GPC5: variants seen among roughly 807,000 people sequenced by gnomAD.
The protein encoded by GPC5 is glypican 5, also known as glypican-5.
Under a neutral mutation model 53.9 loss-of-function variants are expected in GPC5, and 47 were observed. The observed-to-expected ratio is 0.87, with a 90% CI of 0.69 to 1.11. The LOEUF (loss-of-function observed/expected upper bound fraction) is 1.11. Ranked by LOEUF, GPC5 falls within the 50% of genes most tolerant of loss-of-function variation. GPC5 has a pLI of 0.00. For synonymous variants in GPC5, 286 were observed against 263.3 expected (o/e 1.09, Z -0.84); for missense variants, 748 against 713.1 (o/e 1.05, Z -0.56).
At chr13:92,155,223 TGTTA>T (rs945788598) in intron 7 of GPC5, among the ~76,000 whole-genome samples, 71 of 152,290 alleles carry the variant, frequency 4.7e-4, no homozygotes, top group African/African-American at 1.5e-3. Context: ...AATACAAAAA[TGTTA>T]GTTAGCTCAC....
intron 5 of GPC5, among the ~76,000 whole-genome samples, chr13:91,791,104 A>G (rs2037956970): frequency 6.6e-6 from 1 of 152,242 alleles, no homozygotes; most frequent in Non-Finnish European, 1.5e-5. Flanking sequence ...TAAAATTAAA[A>G]GCCGTGAGAC....
chr13:91,791,168 A>T (rs1049245089), intron 5 of GPC5, among the ~76,000 whole-genome samples: 1 of 152,172 alleles, frequency 6.6e-6, no homozygotes, highest in Non-Finnish European at 1.5e-5. Flanking sequence ...TAATACTTTC[A>T]TTTCTCTCTG....
chr13:92,153,687 C>A (rs530579361), intron 7 of GPC5, among the ~76,000 whole-genome samples: 26 of 152,272 alleles, frequency 1.7e-4, no homozygotes, highest in Admixed American at 1.5e-3. Flanking sequence ...GGTATGTGAG[C>A]CTGCTTTGCA....
At chr13:91,645,409 C>T (rs1053429205) in intron 2 of GPC5, among the ~76,000 whole-genome samples, 1 of 152,148 alleles carries the variant, frequency 6.6e-6, no homozygotes, top group Admixed American at 6.5e-5. Flanking sequence ...TTGTTTTATA[C>T]CCTAACTCCA....
At chr13:92,817,145 C>T (rs556897153) in intron 7 of GPC5, among the ~76,000 whole-genome samples, 1 of 151,962 alleles carries the variant, frequency 6.6e-6, no homozygotes. Context: ...TCTAAATTAT[C>T]ATACTTATTT....
chr13:92,769,716 C>T (rs1022260257), intron 7 of GPC5, among the ~76,000 whole-genome samples: 1 of 152,154 alleles, frequency 6.6e-6, no homozygotes, highest in Non-Finnish European at 1.5e-5. Flanking sequence ...AATGTATTTA[C>T]ATTATTTTAT....
At chr13:91,558,739 T>G (rs58830626) in intron 2 of GPC5, among the ~76,000 whole-genome samples, 39,616 of 151,642 alleles carry the variant, frequency 0.26, 5,905 homozygotes, top group African/African-American at 0.42. Flanking sequence ...TGTTCTGCTT[T>G]GTCCCCCAAA....
chr13:92,058,077 A>C (rs2138848545), intron 6 of GPC5, among the ~76,000 whole-genome samples: 1 of 152,372 alleles, frequency 6.6e-6, no homozygotes, highest in South Asian at 2.1e-4. Flanking sequence ...TTCCAGAGAC[A>C]CATGAAGAAG....
chr13:92,060,635 C>A (rs574178246), intron 6 of GPC5, among the ~76,000 whole-genome samples: 2 of 152,048 alleles, frequency 1.3e-5, no homozygotes, highest in South Asian at 2.1e-4. Context: ...CTTGCTAATA[C>A]GGCTATGAAA....
At chr13:92,206,716 G>A (rs1235486927) in intron 7 of GPC5, among the ~76,000 whole-genome samples, 1 of 152,062 alleles carries the variant, frequency 6.6e-6, no homozygotes, top group Non-Finnish European at 1.5e-5. Flanking sequence ...CAAGGCCAGT[G>A]TTACAACATA....
intron 1 of GPC5, among the ~76,000 whole-genome samples, chr13:91,411,764 T>G (rs1216055058): frequency 6.6e-6 from 1 of 152,212 alleles, no homozygotes; most frequent in Admixed American, 6.5e-5. Flanking sequence ...TATAAAAATT[T>G]TATTAAATCT....
At chr13:92,716,147 C>T (rs910900108) in intron 7 of GPC5, among the ~76,000 whole-genome samples, 2 of 151,850 alleles carry the variant, frequency 1.3e-5, no homozygotes, top group Non-Finnish European at 2.9e-5. Flanking sequence ...ATTATAAAAC[C>T]CCAAATATAA....
chr13:91,884,588 A>G (rs2039302780), intron 5 of GPC5, among the ~76,000 whole-genome samples: 1 of 152,190 alleles, frequency 6.6e-6, no homozygotes, highest in South Asian at 2.1e-4. Context: ...GAAAGATTTT[A>G]AGCAGAGAAG....
chr13:92,036,008 C>A (rs1467255599), intron 6 of GPC5, among the ~76,000 whole-genome samples: 1 of 152,152 alleles, frequency 6.6e-6, no homozygotes, highest in African/African-American at 2.4e-5. Flanking sequence ...AATGAATATT[C>A]AAACTGGCCC....
intron 1 of GPC5, among the ~76,000 whole-genome samples, chr13:91,446,076 G>A (rs1349294154): frequency 1.3e-5 from 2 of 152,104 alleles, no homozygotes; most frequent in Non-Finnish European, 2.9e-5. Flanking sequence ...AGTTTGTGGG[G>A]ATATCATGTC....
chr13:92,773,696 A>G (rs1285034088), intron 7 of GPC5, among the ~76,000 whole-genome samples: 1 of 152,136 alleles, frequency 6.6e-6, no homozygotes, highest in Non-Finnish European at 1.5e-5. Flanking sequence ...TTGCCACTTG[A>G]CTATCTAATC....
At chr13:92,422,006 C>T (rs935083548) in intron 7 of GPC5, among the ~76,000 whole-genome samples, 1 of 151,104 alleles carries the variant, frequency 6.6e-6, no homozygotes, top group Non-Finnish European at 1.5e-5. Flanking sequence ...TAACCCGGAA[C>T]TCCTGGCATC....
intron 6 of GPC5, among the ~76,000 whole-genome samples, chr13:92,023,876 G>A (rs1478646234): frequency 6.6e-6 from 1 of 152,052 alleles, no homozygotes; most frequent in Non-Finnish European, 1.5e-5. Context: ...CACTCAATAA[G>A]TAGAATCAAG....
chr13:91,964,037 T>C (rs1182180650), intron 6 of GPC5, among the ~76,000 whole-genome samples: 3 of 152,176 alleles, frequency 2.0e-5, no homozygotes, highest in African/African-American at 7.2e-5. Flanking sequence ...ACTTCAAGAA[T>C]GAAGCCATGG....
Sources: gnomAD v4.1 joint callset for allele counts (sites outside exome capture counted in the v4.1 genomes callset) on GRCh38, gnomAD v4.1.1 for gene constraint, MANE v1.5 for transcripts, NCBI Gene and HGNC (gene_info 2026-07-23, HGNC 2026-07-21) for gene names.